GYG2: variants seen among roughly 807,000 people sequenced by gnomAD.
GYG2 encodes glycogenin 2.
GYG2 carries 29 observed loss-of-function variants against 29.4 expected under a neutral mutation model. That is an observed-to-expected ratio of 0.99 (90% CI 0.74 to 1.35). The LOEUF is 1.35. Ranked by LOEUF, GYG2 falls within the 40% of genes most tolerant of loss-of-function variation. The pLI is 0.00. For synonymous variants in GYG2, 167 were observed against 172.3 expected (o/e 0.97, Z 0.24); for missense variants, 370 against 385.7 (o/e 0.96, Z 0.34).
chrX:2,862,150 C>T (rs989567133), intron 8 of GYG2, among the ~76,000 whole-genome samples: 7 of 110,725 alleles, frequency 6.3e-5, no homozygotes, highest in African/African-American at 2.3e-4. Flanking sequence ...TTGGAAGACG[C>T]TGGGCTGCTG....
intron 8 of GYG2, among the ~76,000 whole-genome samples, chrX:2,873,325 A>C (rs752363449): frequency 1.3e-4 from 14 of 109,041 alleles, no homozygotes; most frequent in African/African-American, 3.7e-4. Context: ...CTGAAAGAAG[A>C]AGCCCATATT....
chrX:2,880,332 G>T (rs1569077874), intron 10 of GYG2, among the ~76,000 whole-genome samples: 1 of 109,585 alleles, frequency 9.1e-6, no homozygotes, highest in Non-Finnish European at 1.9e-5. Context: ...ACTTACAGGA[G>T]GTGAGTTGTT....
In GYG2 at chrX:2,845,669, ATATGCATGTGTATGTACATACATTTATT is replaced by A. The variant is rs2087695407; in HGVS notation, c.149+2336_149+2363del. On this transcript the variant is annotated intron_variant, in intron 3 of 10. Transcript: ENST00000398806. The stretch of plus-strand genomic sequence containing the variant: ...CGCATGTGTATGTACATACATTTAT[ATATGCATGTGTATGTACATACATTTATT>A]TATGCATGTGTATGTACATATATTT... Among the ~76,000 whole-genome samples, 5 of 106,092 alleles carry A rather than the reference ATATGCATGTGTATGTACATACATTTATT, an allele frequency of 4.7e-5. No individual in the cohort carries two copies. In the East Asian group the frequency reaches 9.0e-4, roughly 19 times the overall value. The allele number at this position is 106,092 out of a possible 115,157, so 92.1% of individuals were successfully genotyped here. A position where few individuals can be genotyped will look rare whatever the true frequency, so the allele number is the denominator to read the frequency against.
At chrX:2,857,287 A>G (rs920481004) in intron 6 of GYG2, among the ~76,000 whole-genome samples, 1 of 68,031 alleles carries the variant, frequency 1.5e-5, no homozygotes, top group African/African-American at 8.7e-5. Context: ...ATCTATAAAC[A>G]TCTTATCTAT....
In GYG2 at chrX:2,847,478, C is replaced by T. The variant is rs1346027820; in HGVS notation, c.149+4124C>T. 6.1e-5 allele frequency among the ~76,000 whole-genome samples: 6 copies of T among 98,254 alleles called. No individual in the cohort carries two copies. The East Asian group carries it at 1.9e-3, about 31-fold the overall frequency. 85.3% of individuals were successfully genotyped at this position (98,254 alleles called of 115,157 possible). A position where few individuals can be genotyped will look rare whatever the true frequency, so the allele number is the denominator to read the frequency against. On this transcript the variant is annotated intron_variant, in intron 3 of 10. Transcript: ENST00000398806. ...CTGAAGCAGGTGGATCACTTGAGGT[C>T]AGGAGTTCGAGACCAGCCTGGCCAA...
intron 8 of GYG2, among the ~76,000 whole-genome samples, chrX:2,870,251 G>T (rs1276105674): frequency 9.1e-6 from 1 of 110,347 alleles, no homozygotes; most frequent in Non-Finnish European, 1.9e-5. Context: ...GTCCAGGCTA[G>T]AGTGCACTGG....
chrX:2,834,582 T>C (rs1269873191), intron 2 of GYG2, among the ~76,000 whole-genome samples: 1 of 111,662 alleles, frequency 9.0e-6, no homozygotes, highest in East Asian at 2.8e-4. Context: ...ACAGAGCTTG[T>C]ACCTTGTCAG....
rs1305270856 is a variant in GYG2 at position 2,882,587 on chromosome X, C to T, written c.*1374C>T. 1 of 108,666 alleles carries T rather than the reference C, an allele frequency of 9.2e-6. No individual in the cohort carries two copies. The highest frequency in any genetic ancestry group is 1.9e-5 in the Non-Finnish European group (1 of 52,320). The allele number at this position is 108,666 out of a possible 1,213,427, so 9.0% of individuals were successfully genotyped here. ...ATCGTCAGTCTCGGAGGGCGAGGCTCGTAGGATATTTCAGGTGAGTCAGGG... is the reference window on the plus strand; with the variant it reads ...ATCGTCAGTCTCGGAGGGCGAGGCTTGTAGGATATTTCAGGTGAGTCAGGG... On this transcript the variant is annotated 3_prime_UTR_variant, in exon 11 of 11. Transcript: ENST00000398806.
chrX:2,856,963 T>C (rs7471837), intron 6 of GYG2, among the ~76,000 whole-genome samples: 193 of 63,596 alleles, frequency 3.0e-3, no homozygotes, highest in African/African-American at 0.015. Flanking sequence ...AGACATCTGT[T>C]TATCTATCTA....
Position 2,846,572 on chromosome X carries a change from T to C in GYG2, c.149+3218T>C, listed in dbSNP as rs182810906. On this transcript the variant is annotated intron_variant, in intron 3 of 10. Coordinates refer to ENST00000398806, the MANE Select transcript of GYG2 (RefSeq NM_001079855.2). ...CAGGCTGGGTGACATAGCAAGACCC[T>C]ATCTCTACAAAAAATAAAAAGAGTT... is the stretch of plus-strand genomic sequence containing the variant. Among the ~76,000 whole-genome samples the C allele has an allele frequency of 2.9e-3, 317 of 109,696 alleles. 1 individual carries two copies. The highest frequency in any genetic ancestry group is 5.3e-3 in the Admixed American group (54 of 10,126).
rs1057524007 is a variant in GYG2, at chrX:2,843,236, C to T, written c.31C>T (p.Leu11=). The T allele has an allele frequency of 3.3e-6, 4 of 1,203,329 alleles. No homozygotes were observed. The African/African-American group carries it at 7.0e-5, about 21-fold the overall frequency. The change falls in exon 3 of 11, where the codon CTA becomes TTA. Residue 11 remains leucine, a synonymous_variant. Coordinates refer to ENST00000398806, the MANE Select transcript of GYG2 (RefSeq NM_001079855.2). The part of the protein sequence containing the change: MSVTDQAFVT[L]ATNDIYCQGA... ...AGTGACTGATCAGGCTTTTGTCACA[C>T]TAGCCACCAATGACATCTACTGCCA...
At chrX:2,854,285 G>A (rs986598094) in intron 4 of GYG2, 131 bp downstream of exon 4, 1 of 455,866 alleles carries the variant, frequency 2.2e-6, no homozygotes, top group Non-Finnish European at 3.7e-6. Flanking sequence ...GCAATGGCAC[G>A]ATCTCGGCTC....
Position 2,844,555 on chromosome X carries a change from T to C in GYG2, c.149+1201T>C, listed in dbSNP as rs62582298. On this transcript the variant is annotated intron_variant, in intron 3 of 10. Transcript: ENST00000398806. ...GTATATATGTGTATACGCACACGCA[T>C]GCGTATATGTGTATACGCACACGCA... Among the ~76,000 whole-genome samples the C allele has an allele frequency of 1.3e-4, 6 of 46,506 alleles. No homozygotes were observed. The East Asian group carries it at 3.7e-3, about 29-fold the overall frequency. The allele number at this position is 46,506 out of a possible 115,157, so 40.4% of individuals were successfully genotyped here. A position where few individuals can be genotyped will look rare whatever the true frequency, so the allele number is the denominator to read the frequency against.
chrX:2,832,487 T>G (rs2087287001), intron 2 of GYG2, among the ~76,000 whole-genome samples: 1 of 111,973 alleles, frequency 8.9e-6, no homozygotes, highest in African/African-American at 3.2e-5. Context: ...GCCTCTCTCC[T>G]GGGCTTGGTC....
intron 8 of GYG2, among the ~76,000 whole-genome samples, chrX:2,868,838 C>T (rs2088375213): frequency 9.0e-6 from 1 of 110,831 alleles, no homozygotes; most frequent in African/African-American, 3.3e-5. Context: ...AAAGTAAAAG[C>T]AAAACAAAAC....
intron 2 of GYG2, among the ~76,000 whole-genome samples, chrX:2,836,673 CAAA>C (rs571518086): frequency 0.26 from 12,098 of 47,411 alleles, 810 homozygotes; most frequent in East Asian, 0.32. Context: ...AAGACCCTGT[CAAA>C]AAAAAAAAAA....
At chrX:2,844,755 C>CACACGTATGCGTATATGTGTATACGT (rs1569056775) in intron 3 of GYG2, among the ~76,000 whole-genome samples, 93 of 4,595 alleles carry the variant, frequency 0.02, 34 homozygotes, top group African/African-American at 0.041. Flanking sequence ...TGTGTATACG[C>CACACGTATGCGTATATGTGTATACGT]ACACGTATGT....
rs879077322 is a variant in GYG2, at chrX:2,856,776, CT to C, written c.614+153del. On this transcript the variant is annotated intron_variant, in intron 6 of 10. Coordinates refer to ENST00000398806, the MANE Select transcript of GYG2 (RefSeq NM_001079855.2). The stretch of plus-strand genomic sequence containing the variant: ...TGTATCTATCTATCTATCTATCTAT[CT>C]ATCTATCTATCATCTATCTATCATC... 5,625 of 387,295 alleles carry C rather than the reference CT, an allele frequency of 0.015. 48 individuals carry two copies. The highest frequency in any genetic ancestry group is 0.018 in the Middle Eastern group (25 of 1,398). The allele number at this position is 387,295 out of a possible 1,213,427, so 31.9% of individuals were successfully genotyped here.
At chrX:2,849,525 A>C (rs1183555626) in intron 3 of GYG2, among the ~76,000 whole-genome samples, 1 of 112,042 alleles carries the variant, frequency 8.9e-6, no homozygotes, top group Non-Finnish European at 1.9e-5. Flanking sequence ...CCAGATATTG[A>C]GCAGAGTGGA....
Sources: allele counts gnomAD v4.1 joint callset (sites outside exome capture counted in the v4.1 genomes callset), GRCh38; gene constraint gnomAD v4.1.1; transcripts MANE v1.5; gene names NCBI Gene and HGNC (gene_info 2026-07-23, HGNC 2026-07-21).